The following PXDN variants were observed in gnomAD, a reference collection of about 807,000 sequenced individuals.
PXDN encodes the protein peroxidasin homolog.
PXDN carries 77 observed loss-of-function variants against 140.3 expected under a neutral mutation model. That is an observed-to-expected ratio of 0.55 (90% CI 0.46 to 0.66). The LOEUF (loss-of-function observed/expected upper bound fraction) is 0.66. Ranked by LOEUF, PXDN falls within the 30% of genes least tolerant of loss-of-function variation. The probability of loss-of-function intolerance (pLI) is 0.00; values close to 1 mark genes in which losing one functional copy is unlikely to be tolerated. For missense variants in PXDN, 1,838 were observed against 2,039.5 expected, an observed-to-expected ratio of 0.90 and a Z score of 1.90; for synonymous variants, 911 against 857.4, an observed-to-expected ratio of 1.06 and a Z score of -1.09.
At chr2:1,717,828 C>T (rs1684929222) in intron 1 of PXDN, among the ~76,000 whole-genome samples, 1 of 151,338 alleles carries the variant, frequency 6.6e-6, no homozygotes. Flanking sequence ...AACCAACTAC[C>T]CAAACCTGCT....
chr2:1,684,041 C>T, intron 5 of PXDN, 39 bp downstream of exon 5: 1 of 1,529,322 alleles, frequency 6.5e-7, no homozygotes, highest in Non-Finnish European at 8.9e-7. Flanking sequence ...GAGGCTTGGG[C>T]TCTGTGAATG....
In PXDN at chr2:1,731,575, G is replaced by A. The variant is rs569449985; in HGVS notation, c.200+12681C>T. Among the ~76,000 whole-genome samples, 103 of 152,292 alleles carry A rather than the reference G, an allele frequency of 6.8e-4. 1 individual carries two copies. The highest frequency in any genetic ancestry group is 3.8e-3 in the Admixed American group (58 of 15,298). On this transcript the variant is annotated intron_variant, in intron 1 of 22. Transcript: ENST00000252804. ...CTTGGGTCAATGTCAGAGCAAACAT[G>A]TTCTTACCAAGCCAGACTAAACAGC...
chr2:1,712,525 T>G (rs1684806990), intron 1 of PXDN, among the ~76,000 whole-genome samples: 1 of 152,106 alleles, frequency 6.6e-6, no homozygotes. Flanking sequence ...CCAACAAAAT[T>G]CCAAACAGGC....
chr2:1,678,796 G>GT, intron 7 of PXDN, among the ~76,000 whole-genome samples: 1 of 152,192 alleles, frequency 6.6e-6, no homozygotes. Flanking sequence ...TTGACAGCCA[G>GT]TGCCCTGCGG....
intron 1 of PXDN, among the ~76,000 whole-genome samples, chr2:1,717,092 C>T (rs1684913386): frequency 6.6e-6 from 1 of 152,216 alleles, no homozygotes; most frequent in Admixed American, 6.5e-5. Flanking sequence ...GAAGACAAAT[C>T]TGATGTAACA....
intron 1 of PXDN, among the ~76,000 whole-genome samples, chr2:1,708,319 G>A (rs1684669829): frequency 6.6e-6 from 1 of 152,216 alleles, no homozygotes; most frequent in Admixed American, 6.5e-5. Flanking sequence ...GGATTTAAAA[G>A]AGGTTCGCCC....
At chr2:1,692,616 C>T (rs755057363) in intron 2 of PXDN, 22 of 472,592 alleles carry the variant, frequency 4.7e-5, no homozygotes, top group South Asian at 3.4e-4. Context: ...CACAGCAACG[C>T]TGGACTTGGC....
At chr2:1,722,828 A>G (rs911326242) in intron 1 of PXDN, among the ~76,000 whole-genome samples, 4 of 152,258 alleles carry the variant, frequency 2.6e-5, no homozygotes, top group Admixed American at 1.3e-4. Flanking sequence ...TGTGCCTCAC[A>G]GCCTGACCCC....
Position 1,680,121 on chromosome 2 carries a change from G to GGT in PXDN, c.730+70_730+71dup, listed in dbSNP as rs574857439. The stretch of plus-strand genomic sequence containing the variant: ...GTGTGTGGATGTTGTGTGTGTAGAT[G>GGT]GTGTGTGTGTGGATGGTGTGTGTGT... On this transcript the variant is annotated intron_variant, in intron 7 of 22. Transcript: ENST00000252804. 277 of 1,438,828 alleles carry GGT rather than the reference G, an allele frequency of 1.9e-4. 2 individuals carry two copies. The South Asian group carries it at 3.0e-3, about 15-fold the overall frequency. 89.1% of individuals were successfully genotyped at this position (1,438,828 alleles called of 1,614,324 possible).
intron 7 of PXDN, among the ~76,000 whole-genome samples, chr2:1,679,088 A>ATG (rs111613941): frequency 0.12 from 17,149 of 147,888 alleles, 1,036 homozygotes; most frequent in Non-Finnish European, 0.14. Flanking sequence ...ATGTGCATGC[A>ATG]TGTGTGTGTG....
At chr2:1,744,052 C>A (rs893617105) in intron 1 of PXDN, among the ~76,000 whole-genome samples, 47 of 152,088 alleles carry the variant, frequency 3.1e-4, no homozygotes, top group Admixed American at 3.9e-4. Flanking sequence ...TCCCGCAGGG[C>A]GAACAAAGGC....
At chr2:1,700,572 C>T (rs6734511) in intron 1 of PXDN, among the ~76,000 whole-genome samples, 3,551 of 152,140 alleles carry the variant, frequency 0.023, 144 homozygotes, top group African/African-American at 0.08. Context: ...CTTTGTCATT[C>T]GTGTTGCTCA....
chr2:1,654,551 A>C (rs768636723), intron 14 of PXDN, 43 bp from the exon 15 acceptor site: 6 of 1,294,606 alleles, frequency 4.6e-6, no homozygotes, highest in Non-Finnish European at 1.1e-6. Context: ...AAAATACTGC[A>C]CAATTACTCA....
At chr2:1,658,726 C>T (rs1053030735) in intron 14 of PXDN, among the ~76,000 whole-genome samples, 199 of 151,926 alleles carry the variant, frequency 1.3e-3, no homozygotes, top group Non-Finnish European at 2.0e-3. Context: ...ACCAGGACCC[C>T]CAGGACTGCC....
chr2:1,635,925 G>A (rs559906319), intron 21 of PXDN: 14 of 336,610 alleles, frequency 4.2e-5, no homozygotes, highest in Admixed American at 4.0e-4. Context: ...CTGGAAGCAC[G>A]GGGCCCCATA....
At chr2:1,663,533 G>T in intron 12 of PXDN, 72 bp downstream of exon 12, 2 of 1,565,054 alleles carry the variant, frequency 1.3e-6, no homozygotes, top group African/African-American at 1.4e-5. Flanking sequence ...ACTAATGTCA[G>T]CTGCGGAATT....
chr2:1,709,484 A>G (rs971193821), intron 1 of PXDN, among the ~76,000 whole-genome samples: 3 of 151,480 alleles, frequency 2.0e-5, no homozygotes, highest in Non-Finnish European at 1.5e-5. Context: ...GGGGTGCAGC[A>G]GGGCTGGGGT....
chr2:1,683,416 A>G (rs1308560281), intron 6 of PXDN, among the ~76,000 whole-genome samples: 2 of 70,490 alleles, frequency 2.8e-5, no homozygotes, highest in African/African-American at 8.0e-5. Flanking sequence ...ACCCTATCTG[A>G]AAAAAAATTT....
In PXDN at chr2:1,663,589, A is replaced by G. The variant is rs747756759; in HGVS notation, c.1567+16T>C. The G allele has an allele frequency of 3.1e-6, 5 of 1,613,072 alleles. No homozygotes were observed. Among genetic ancestry groups the G allele is most frequent in the Non-Finnish European group, 2.5e-6 (3 of 1,179,514 alleles). On this transcript the variant is annotated intron_variant, in intron 12 of 22. Transcript: ENST00000252804. Reference sequence around the variant, plus strand: ...TCTGAGAAAATCAATTCAGTCCACAACCTCCTGGCACCTACCTCTGGGCTG... The same window carrying G: ...TCTGAGAAAATCAATTCAGTCCACAGCCTCCTGGCACCTACCTCTGGGCTG...
Sources: allele counts gnomAD v4.1 joint callset (sites outside exome capture counted in the v4.1 genomes callset), GRCh38; gene constraint gnomAD v4.1.1; transcripts MANE v1.5; gene names NCBI Gene and HGNC (gene_info 2026-07-23, HGNC 2026-07-21).